Variants in CSMD1 observed in about 807,000 individuals in gnomAD.
CSMD1 encodes CUB and sushi domain-containing protein 1.
A neutral mutation model predicts 417.5 loss-of-function variants in CSMD1; 213 were observed. That is an observed-to-expected ratio of 0.51 (90% CI 0.46 to 0.57). CSMD1 has a LOEUF of 0.57. Among genes scored for constraint, CSMD1 ranks in the 20% least tolerant of loss-of-function variants. The pLI, the probability that CSMD1 is intolerant of heterozygous loss-of-function variation, is 0.00. For synonymous variants in CSMD1, 2,862 were observed against 1,736.8 expected (o/e 1.65, Z -16.11); for missense variants, 6,923 against 4,529.7 (o/e 1.53, Z -15.17).
At chr8:3,976,604 CATTA>C (rs1262592705) in intron 5 of CSMD1, among the ~76,000 whole-genome samples, 5 of 152,144 alleles carry the variant, frequency 3.3e-5, no homozygotes, top group Admixed American at 6.5e-5. Flanking sequence ...TTTGCATAAG[CATTA>C]ATTATTTCAT....
intron 8 of CSMD1, among the ~76,000 whole-genome samples, chr8:3,607,487 G>C (rs942536589): frequency 1.3e-5 from 2 of 152,158 alleles, no homozygotes; most frequent in African/African-American, 4.8e-5. Context: ...GTATGTGCTA[G>C]CCTTTTCTGT....
At chr8:4,872,247 TC>T (rs1442023672) in intron 1 of CSMD1, among the ~76,000 whole-genome samples, 4 of 152,066 alleles carry the variant, frequency 2.6e-5, no homozygotes, top group Non-Finnish European at 5.9e-5. Flanking sequence ...ACTTCCTTTT[TC>T]TCTGTGTGTG....
intron 7 of CSMD1, among the ~76,000 whole-genome samples, chr8:3,640,872 A>T (rs777757642): frequency 1.3e-5 from 2 of 151,988 alleles, no homozygotes; most frequent in East Asian, 3.9e-4. Flanking sequence ...TTTATTGTTA[A>T]TGATGTCAGT....
intron 2 of CSMD1, among the ~76,000 whole-genome samples, chr8:4,513,216 T>G (rs1049324934): frequency 6.6e-6 from 1 of 152,144 alleles, no homozygotes; most frequent in Non-Finnish European, 1.5e-5. Context: ...TATGGGGGGA[T>G]GTTGATAATA....
intron 7 of CSMD1, among the ~76,000 whole-genome samples, chr8:3,675,868 C>T (rs557644194): frequency 5.3e-5 from 8 of 152,294 alleles, no homozygotes; most frequent in South Asian, 2.1e-4. Context: ...TCTAGACTAA[C>T]GCTACTTCTC....
chr8:4,524,292 G>A (rs1042136273), intron 2 of CSMD1, among the ~76,000 whole-genome samples: 4 of 151,650 alleles, frequency 2.6e-5, no homozygotes, highest in Non-Finnish European at 5.9e-5. Flanking sequence ...GGACAAATAT[G>A]TGTTAACAAC....
chr8:3,623,091 T>C (rs1796334642), intron 7 of CSMD1, among the ~76,000 whole-genome samples: 1 of 152,192 alleles, frequency 6.6e-6, no homozygotes, highest in Admixed American at 6.5e-5. Flanking sequence ...ACCATTAATA[T>C]TAAAGAAAGA....
intron 3 of CSMD1, among the ~76,000 whole-genome samples, chr8:4,188,690 A>G (rs1256236397): frequency 6.6e-6 from 1 of 152,162 alleles, no homozygotes; most frequent in Non-Finnish European, 1.5e-5. Context: ...AACCTTTATA[A>G]AAAAGAGGAA....
chr8:4,897,830 G>C (rs574521131), intron 1 of CSMD1, among the ~76,000 whole-genome samples: 156 of 152,188 alleles, frequency 1.0e-3, no homozygotes, highest in South Asian at 6.6e-3. Context: ...ATAAGTTTTT[G>C]TATAATGCTA....
chr8:4,169,547 C>T (rs1195405385), intron 3 of CSMD1, among the ~76,000 whole-genome samples: 1 of 152,152 alleles, frequency 6.6e-6, no homozygotes, highest in Non-Finnish European at 1.5e-5. Context: ...CCTCCAAACT[C>T]ATGTTACTTT....
chr8:3,171,004 T>A (rs1820549638), intron 37 of CSMD1, among the ~76,000 whole-genome samples: 1 of 152,298 alleles, frequency 6.6e-6, no homozygotes, highest in South Asian at 2.1e-4. Flanking sequence ...AATGATCTGC[T>A]CAAAGTGACA....
At chr8:3,487,129 A>T (rs182453980) in intron 11 of CSMD1, among the ~76,000 whole-genome samples, 17 of 152,290 alleles carry the variant, frequency 1.1e-4, no homozygotes, top group Middle Eastern at 3.4e-3. Context: ...ATTATACAGA[A>T]ATGACTTGGT....
At chr8:3,477,528 C>T (rs1169441648) in intron 11 of CSMD1, among the ~76,000 whole-genome samples, 1 of 152,198 alleles carries the variant, frequency 6.6e-6, no homozygotes, top group Admixed American at 6.5e-5. Context: ...ACTATCTTTT[C>T]AGGCACCTGG....
intron 6 of CSMD1, among the ~76,000 whole-genome samples, chr8:3,739,130 AGTTAATT>A (rs140360037): frequency 0.076 from 11,563 of 152,242 alleles, 494 homozygotes; most frequent in East Asian, 0.12. Flanking sequence ...TTTAGATCAG[AGTTAATT>A]GTAAGTTTAA....
intron 5 of CSMD1, among the ~76,000 whole-genome samples, chr8:3,882,927 C>G (rs1806300870): frequency 6.6e-6 from 1 of 152,138 alleles, no homozygotes; most frequent in Admixed American, 6.6e-5. Context: ...TGTTCTGCAT[C>G]TTGGCCTTGT....
At chr8:4,479,965 C>CA (rs34081481) in intron 2 of CSMD1, among the ~76,000 whole-genome samples, 3,938 of 107,730 alleles carry the variant, frequency 0.037, 132 homozygotes, top group African/African-American at 0.1. Flanking sequence ...GTCTCTGTCT[C>CA]AAAAAAAAAA....
At chr8:4,857,642 G>A (rs191506202) in intron 1 of CSMD1, among the ~76,000 whole-genome samples, 74 of 152,138 alleles carry the variant, frequency 4.9e-4, no homozygotes, top group Admixed American at 3.5e-3. Context: ...ACACCTCTAC[G>A]CAAATAAACT....
At chr8:4,871,945 T>C (rs943525572) in intron 1 of CSMD1, among the ~76,000 whole-genome samples, 14 of 152,104 alleles carry the variant, frequency 9.2e-5, no homozygotes, top group African/African-American at 3.4e-4. Flanking sequence ...ACTATCTCTA[T>C]GGTCTGGACC....
intron 3 of CSMD1, among the ~76,000 whole-genome samples, chr8:4,404,277 C>T (rs556153131): frequency 4.6e-5 from 7 of 152,196 alleles, no homozygotes; most frequent in African/African-American, 1.7e-4. Context: ...CATCTATCAC[C>T]TTATGATATG....
Sources: gnomAD v4.1 joint callset for allele counts (sites outside exome capture counted in the v4.1 genomes callset) on GRCh38, gnomAD v4.1.1 for gene constraint, MANE v1.5 for transcripts, NCBI Gene and HGNC (gene_info 2026-07-23, HGNC 2026-07-21) for gene names.